DLG2: variants seen among roughly 807,000 people sequenced by gnomAD.
The protein encoded by DLG2 is disks large homolog 2.
Under a neutral mutation model 132.5 loss-of-function variants are expected in DLG2, and 45 were observed. The ratio of observed to expected loss-of-function variants is 0.34; its 90% CI spans 0.27 to 0.44. The LOEUF is 0.44. DLG2 is among the 20% of genes least tolerant of loss of function. The pLI, the probability that DLG2 is intolerant of heterozygous loss-of-function variation, is 1.00. For missense variants in DLG2, 1,045 were observed against 1,196.9 expected (o/e 0.87, Z 1.87); for synonymous variants, 424 against 419.6 (o/e 1.01, Z -0.13).
intron 4 of DLG2, among the ~76,000 whole-genome samples, chr11:85,160,651 G>C (rs2077958378): frequency 6.6e-6 from 1 of 152,214 alleles, no homozygotes; most frequent in South Asian, 2.1e-4. Context: ...TGAGCTCAAG[G>C]ATGTCTTGAC....
chr11:84,576,655 C>T (rs1437578383), intron 6 of DLG2, among the ~76,000 whole-genome samples: 2 of 152,112 alleles, frequency 1.3e-5, no homozygotes, highest in Non-Finnish European at 2.9e-5. Context: ...GGCATAAACT[C>T]TTTGGGATGG....
intron 24 of DLG2, among the ~76,000 whole-genome samples, chr11:83,471,075 A>C (rs1358737656): frequency 6.6e-6 from 1 of 152,066 alleles, no homozygotes; most frequent in African/African-American, 2.4e-5. Flanking sequence ...GATAATCTAT[A>C]ATGAGAAGAA....
rs546193396 is a variant in DLG2, at chr11:83,727,243, G to T, written c.1825+59447C>A. ...TTGAGATTGCCTAGGGACAGATTTT[G>T]AGGGTGATGCCGATAAGTAAGTTGT... On this transcript the variant is annotated intron_variant, in intron 18 of 27. Coordinates refer to ENST00000376104, the MANE Select transcript of DLG2 (RefSeq NM_001142699.3). Among the ~76,000 whole-genome samples, 7 of 152,302 alleles carry T rather than the reference G, an allele frequency of 4.6e-5. No homozygotes were observed. In the South Asian group the frequency reaches 8.3e-4, roughly 18 times the overall value.
At chr11:85,556,970 A>T (rs1288382174) in intron 3 of DLG2, among the ~76,000 whole-genome samples, 1 of 151,890 alleles carries the variant, frequency 6.6e-6, no homozygotes, top group Non-Finnish European at 1.5e-5. Context: ...AGAGGAAGAA[A>T]TAAAAAGCTC....
chr11:84,448,792 A>G (rs1251242914), intron 7 of DLG2, among the ~76,000 whole-genome samples: 1 of 152,064 alleles, frequency 6.6e-6, no homozygotes, highest in African/African-American at 2.4e-5. Context: ...GAAACACTCA[A>G]GAAAAGTAAC....
chr11:84,011,338 G>A (rs1311971701), intron 11 of DLG2, among the ~76,000 whole-genome samples: 3 of 151,974 alleles, frequency 2.0e-5, no homozygotes, highest in African/African-American at 4.8e-5. Context: ...AGGTGTGGTG[G>A]CATGTGCCTG....
intron 14 of DLG2, among the ~76,000 whole-genome samples, chr11:83,956,994 G>C (rs60726198): frequency 1.3e-3 from 192 of 152,220 alleles, no homozygotes; most frequent in Non-Finnish European, 2.3e-3. Flanking sequence ...CTGGTGTGTC[G>C]ACTTCATTTT....
chr11:84,929,016 A>ATATATATG (rs2047779731), intron 6 of DLG2, among the ~76,000 whole-genome samples: 1 of 124,832 alleles, frequency 8.0e-6, no homozygotes, highest in African/African-American at 2.9e-5. Context: ...ATATATATAT[A>ATATATATG]TATATATATT....
intron 3 of DLG2, among the ~76,000 whole-genome samples, chr11:85,547,040 T>C (rs1043028010): frequency 2.0e-5 from 3 of 152,102 alleles, no homozygotes; most frequent in African/African-American, 4.8e-5. Flanking sequence ...ATTTAATCCC[T>C]CCATTATGAT....
At chr11:85,534,552 G>T (rs568229434) in intron 3 of DLG2, among the ~76,000 whole-genome samples, 1 of 152,154 alleles carries the variant, frequency 6.6e-6, no homozygotes, top group African/African-American at 2.4e-5. Flanking sequence ...TATGTCAATT[G>T]TGTACCCAAT....
chr11:83,752,429 G>A (rs903629373), intron 18 of DLG2, among the ~76,000 whole-genome samples: 1 of 152,132 alleles, frequency 6.6e-6, no homozygotes, highest in South Asian at 2.1e-4. Flanking sequence ...TAAGCCAAGC[G>A]AATCAAGTAC....
At chr11:85,508,417 C>T (rs899485325) in intron 3 of DLG2, among the ~76,000 whole-genome samples, 1 of 152,042 alleles carries the variant, frequency 6.6e-6, no homozygotes, top group African/African-American at 2.4e-5. Context: ...TCAAGTCATT[C>T]GGCTCTCTAA....
At chr11:83,570,773 G>A (rs898540042) in intron 19 of DLG2, among the ~76,000 whole-genome samples, 2 of 152,122 alleles carry the variant, frequency 1.3e-5, no homozygotes, top group Non-Finnish European at 2.9e-5. Flanking sequence ...TGATACAGGA[G>A]TCCAAGAAGC....
At chr11:84,784,897 T>C (rs1258945721) in intron 6 of DLG2, among the ~76,000 whole-genome samples, 1 of 152,090 alleles carries the variant, frequency 6.6e-6, no homozygotes, top group African/African-American at 2.4e-5. Flanking sequence ...ATGTTGACTA[T>C]AGTTAATAAT....
At chr11:83,709,370 CAT>C (rs999143499) in intron 18 of DLG2, among the ~76,000 whole-genome samples, 2 of 147,726 alleles carry the variant, frequency 1.4e-5, no homozygotes, top group Non-Finnish European at 3.0e-5. Flanking sequence ...CACACACACA[CAT>C]ATATATATAA....
chr11:84,883,551 C>T (rs971876171), intron 6 of DLG2, among the ~76,000 whole-genome samples: 15 of 151,952 alleles, frequency 9.9e-5, no homozygotes, highest in Admixed American at 2.6e-4. Flanking sequence ...AAATATTGTT[C>T]ACATATCAAT....
At chr11:84,361,705 G>T (rs558978750) in intron 7 of DLG2, among the ~76,000 whole-genome samples, 109 of 152,032 alleles carry the variant, frequency 7.2e-4, no homozygotes, top group African/African-American at 2.6e-3. Flanking sequence ...AGATATAAAT[G>T]ACTATTTAAA....
intron 6 of DLG2, among the ~76,000 whole-genome samples, chr11:84,734,043 T>C (rs1242638732): frequency 6.6e-6 from 1 of 152,200 alleles, no homozygotes; most frequent in Non-Finnish European, 1.5e-5. Context: ...TACTGTAGCC[T>C]TGTAATATAG....
chr11:84,121,541 A>ATTTTT lies in DLG2; in HGVS notation c.625-22499_625-22495dup, dbSNP rs869183421. 1.8e-4 allele frequency among the ~76,000 whole-genome samples: 12 copies of ATTTTT among 66,686 alleles called. 1 individual carries two copies. The South Asian group carries it at 2.1e-3, about 11-fold the overall frequency. 43.7% of individuals were successfully genotyped at this position (66,686 alleles called of 152,430 possible). On this transcript the variant is annotated intron_variant, in intron 9 of 27. Transcript: ENST00000376104. ...TTACTCTCACTTATATTCCTTGCTA[A>ATTTTT]TTTTTTTTTTTTTTTTTTTTTTTTT...
Sources: gnomAD v4.1 joint callset for allele counts (sites outside exome capture counted in the v4.1 genomes callset) on GRCh38, gnomAD v4.1.1 for gene constraint, MANE v1.5 for transcripts, NCBI Gene and HGNC (gene_info 2026-07-23, HGNC 2026-07-21) for gene names.